The following RNF157 variants were observed in gnomAD, a reference collection of about 807,000 sequenced individuals.
RNF157 encodes ring finger protein 157, also known as E3 ubiquitin ligase RNF157.
A neutral mutation model predicts 88.3 loss-of-function variants in RNF157; 55 were observed. That is an observed-to-expected ratio of 0.62 (90% confidence interval 0.50 to 0.78). The LOEUF (loss-of-function observed/expected upper bound fraction) is 0.78. Among genes scored for constraint, RNF157 ranks in the 30% least tolerant of loss-of-function variants. RNF157 has a pLI of 0.00. For missense variants in RNF157, 788 were observed against 860.8 expected (o/e 0.92, Z 1.06); for synonymous variants, 334 against 341.2 (o/e 0.98, Z 0.23).
At chr17:76,202,771 G>T in intron 2 of RNF157, 1 of 154,028 alleles carries the variant, frequency 6.5e-6, no homozygotes, top group Non-Finnish European at 1.5e-5. Context: ...CATCAGCCCT[G>T]GGGCCTTCTC....
intron 2 of RNF157, among the ~76,000 whole-genome samples, chr17:76,196,079 T>C (rs1054370846): frequency 2.0e-5 from 3 of 152,200 alleles, no homozygotes; most frequent in Non-Finnish European, 4.4e-5. Context: ...GAGCCGCTAC[T>C]CTCAACACAC....
intron 2 of RNF157, among the ~76,000 whole-genome samples, chr17:76,209,096 T>C (rs1385857814): frequency 1.3e-5 from 2 of 152,028 alleles, no homozygotes; most frequent in East Asian, 3.8e-4. Flanking sequence ...CATTTATTGA[T>C]TGATTGATTA....
intron 1 of RNF157, among the ~76,000 whole-genome samples, chr17:76,220,074 G>C (rs549242518): frequency 1.3e-5 from 2 of 152,014 alleles, no homozygotes; most frequent in African/African-American, 2.4e-5. Flanking sequence ...TAGAAACATA[G>C]ACCAACAAAG....
In RNF157 at chr17:76,144,978, A is replaced by G. The variant is rs555054524; in HGVS notation, c.*257T>C. 6 of 419,894 alleles carry G rather than the reference A, an allele frequency of 1.4e-5. No individual in the cohort carries two copies. In the South Asian group the frequency reaches 1.6e-4, roughly 11 times the overall value. 26.0% of individuals were successfully genotyped at this position (419,894 alleles called of 1,614,324 possible). A position where few individuals can be genotyped will look rare whatever the true frequency, so the allele number is the denominator to read the frequency against. ...GGACCCCAGCTCCACCTGAACATCAATATACCGTGAGGACATTCCAGAGTC... is the reference window on the plus strand; with the variant it reads ...GGACCCCAGCTCCACCTGAACATCAGTATACCGTGAGGACATTCCAGAGTC... On this transcript the variant is annotated 3_prime_UTR_variant, in exon 19 of 19. Coordinates refer to ENST00000269391, the MANE Select transcript of RNF157 (RefSeq NM_052916.3).
rs144729370 is a variant in RNF157 at position 76,188,254 on chromosome 17, C to T, written c.208-14464G>A. 2.4e-4 allele frequency among the ~76,000 whole-genome samples: 36 copies of T among 152,286 alleles called. No homozygotes were observed. In the East Asian group the frequency reaches 6.8e-3, roughly 29 times the overall value. On this transcript the variant is annotated intron_variant, in intron 2 of 18. Transcript: ENST00000269391. ...CGTTCTCTTGTACTGCATCCCACGGCCTCCTACCTGGGATCACTCCACTGC... is the reference window on the plus strand; with the variant it reads ...CGTTCTCTTGTACTGCATCCCACGGTCTCCTACCTGGGATCACTCCACTGC...
Position 76,185,691 on chromosome 17 carries a change from G to A in RNF157, c.208-11901C>T, listed in dbSNP as rs190164071. ...TCACCGTGTTAGCCAGGATGGTCTC[G>A]ATCTCCTGACCTCGTGATCCGCCCG... On this transcript the variant is annotated intron_variant, in intron 2 of 18. Coordinates refer to ENST00000269391, the MANE Select transcript of RNF157 (RefSeq NM_052916.3). 5.1e-3 allele frequency among the ~76,000 whole-genome samples: 773 copies of A among 151,914 alleles called. 4 individuals are homozygous for A. Among genetic ancestry groups the A allele is most frequent in the African/African-American group, 0.017 (708 of 41,362 alleles).
At position 76,167,125 on chromosome 17, in the gene RNF157, A is replaced by C; in HGVS notation, c.445T>G (p.Tyr149Asp). 6.2e-7 allele frequency: 1 copy of C among 1,610,894 alleles called. No homozygotes were observed. The highest frequency in any genetic ancestry group is 8.5e-7 in the Non-Finnish European group (1 of 1,178,456). Residue 149 changes from tyrosine (Y) to aspartate (D), a missense_variant and splice_region_variant, in exon 5 of 19, where the codon TAC becomes GAC. By Grantham distance (160) the Tyr-to-Asp change is radical. Coordinates refer to ENST00000269391, the MANE Select transcript of RNF157 (RefSeq NM_052916.3). ...TEEFQNGIAS[Y>D]IPKDNSLQSE... The stretch of plus-strand genomic sequence containing the variant: ...TGGAGGCTGTTGTCTTTGGGAATGT[A>C]GCTATTGATACAAGTGGGAGGCAAA...
In RNF157 at chr17:76,232,181, G is replaced by A. The variant is rs1488750969; in HGVS notation, c.88+7972C>T. 2.6e-5 allele frequency among the ~76,000 whole-genome samples: 4 copies of A among 152,064 alleles called. No homozygotes were observed. In the East Asian group the frequency reaches 7.7e-4, roughly 29 times the overall value. On this transcript the variant is annotated intron_variant, in intron 1 of 18. Transcript: ENST00000269391. ...AAGGATGGCTCAAGACTAGGAGTTC[G>A]AGACCAGCCAGGGCAACGTAGTGGG...
chr17:76,148,251 T>C (rs1414260363), intron 18 of RNF157, among the ~76,000 whole-genome samples: 1 of 150,820 alleles, frequency 6.6e-6, no homozygotes, highest in Non-Finnish European at 1.5e-5. Context: ...AAGATCCAAA[T>C]TATCTTTGCC....
At chr17:76,173,613 G>A (rs1282867838) in intron 3 of RNF157, 89 bp downstream of exon 3, 3 of 999,380 alleles carry the variant, frequency 3.0e-6, no homozygotes, top group Non-Finnish European at 1.5e-6. Flanking sequence ...GGAAACTGCT[G>A]TATGAGTTCC....
At chr17:76,239,822 C>A (rs191114443) in intron 1 of RNF157, among the ~76,000 whole-genome samples, 3 of 152,068 alleles carry the variant, frequency 2.0e-5, no homozygotes, top group African/African-American at 7.2e-5. Flanking sequence ...CCTACGACGC[C>A]GCAGCCCCGC....
rs200236039 is a variant in RNF157, at chr17:76,228,101, T to TA, written c.88+12051dup. On this transcript the variant is annotated intron_variant, in intron 1 of 18. Coordinates refer to ENST00000269391, the MANE Select transcript of RNF157 (RefSeq NM_052916.3). ...TGTGGGGTTTTTTTCTAAAAAGAAA[T>TA]AAAAAAAACCATTTATGGAATATTC... Among the ~76,000 whole-genome samples the TA allele has an allele frequency of 3.1e-3, 470 of 151,904 alleles. 1 individual carries two copies. Among genetic ancestry groups the TA allele is most frequent in the Non-Finnish European group, 4.0e-3 (275 of 67,918 alleles).
chr17:76,156,572 CCATA>C (rs1223294587), intron 13 of RNF157: 1 of 974,532 alleles, frequency 1.0e-6, no homozygotes, highest in Non-Finnish European at 1.2e-6. Flanking sequence ...TCTGCTGCGG[CCATA>C]CAAAGACTGC....
chr17:76,215,251 T>C (rs1056938950), intron 1 of RNF157, among the ~76,000 whole-genome samples: 2 of 152,008 alleles, frequency 1.3e-5, no homozygotes, highest in African/African-American at 4.8e-5. Flanking sequence ...GGAGACCAGC[T>C]TGGGCAACTT....
At chr17:76,162,423 A>C (rs1025425518) in intron 9 of RNF157, 129 bp downstream of exon 9, 1 of 708,318 alleles carries the variant, frequency 1.4e-6, no homozygotes, top group Middle Eastern at 3.4e-4. Context: ...TGAAATGAGG[A>C]ACAAGAAAAT....
At chr17:76,225,970 A>G in intron 1 of RNF157, 4 of 1,610,596 alleles carry the variant, frequency 2.5e-6, no homozygotes. Context: ...TCAGCTTCTT[A>G]TCCAGTTTCT....
At chr17:76,187,851 GC>G (rs770230522) in intron 2 of RNF157, among the ~76,000 whole-genome samples, 42 of 152,276 alleles carry the variant, frequency 2.8e-4, no homozygotes, top group African/African-American at 8.2e-4. Context: ...GCCTGCCTTA[GC>G]CTTCCAAAAT....
At chr17:76,164,839 T>C in intron 7 of RNF157, 44 bp from the exon 8 acceptor site, 1 of 1,433,134 alleles carries the variant, frequency 7.0e-7, no homozygotes, top group Non-Finnish European at 9.8e-7. Context: ...GGGAGGGTAA[T>C]AAAGCACCAG....
chr17:76,214,255 T>C (rs2069851071), intron 1 of RNF157, among the ~76,000 whole-genome samples: 1 of 152,182 alleles, frequency 6.6e-6, no homozygotes, highest in Non-Finnish European at 1.5e-5. Flanking sequence ...TCTGCAGAAC[T>C]GAGTGGTTGC....
Sources: allele counts gnomAD v4.1 joint callset (sites outside exome capture counted in the v4.1 genomes callset), GRCh38; gene constraint gnomAD v4.1.1; transcripts MANE v1.5; gene names NCBI Gene and HGNC (gene_info 2026-07-23, HGNC 2026-07-21).